ANTXRL: variants seen among roughly 807,000 people sequenced by gnomAD.
The protein encoded by ANTXRL is ANTXR like.
A neutral mutation model predicts 75.4 loss-of-function variants in ANTXRL; 63 were observed. The observed-to-expected ratio is 0.84, with a 90% CI of 0.68 to 1.03. ANTXRL has a LOEUF of 1.03. Among genes scored for constraint, ANTXRL ranks in the 50% least tolerant of loss-of-function variants. ANTXRL has a pLI of 0.00. For synonymous variants in ANTXRL, 335 were observed against 291.3 expected (o/e 1.15, Z -1.53); for missense variants, 797 against 789.4 (o/e 1.01, Z -0.12).
intron 1 of ANTXRL, among the ~76,000 whole-genome samples, chr10:46,289,038 C>A (rs1836875855): frequency 6.6e-6 from 1 of 152,160 alleles, no homozygotes; most frequent in East Asian, 1.9e-4. Flanking sequence ...TTTTGTGACT[C>A]CAAAGCCCAT....
intron 12 of ANTXRL, 133 bp from the exon 13 acceptor site, chr10:46,308,980 C>T (rs1470310147): frequency 1.0e-5 from 13 of 1,258,458 alleles, no homozygotes; most frequent in Non-Finnish European, 1.4e-5. Flanking sequence ...CCAGCCCTGG[C>T]CGCTGGCCCC....
chr10:46,313,362 CT>C, intron 16 of ANTXRL, 46 bp downstream of exon 16: 1 of 1,508,258 alleles, frequency 6.6e-7, no homozygotes, highest in Non-Finnish European at 8.9e-7. Flanking sequence ...AAGGCCACTG[CT>C]TTTCCCCTGA....
intron 10 of ANTXRL, among the ~76,000 whole-genome samples, chr10:46,305,659 G>GA (rs1405906815): frequency 1.3e-5 from 2 of 152,120 alleles, no homozygotes; most frequent in Non-Finnish European, 2.9e-5. Context: ...CGCACTTCAG[G>GA]AGGTGTGAAA....
In ANTXRL at chr10:46,297,411, A is replaced by G. The variant is rs1554959113; in HGVS notation, c.591A>G (p.Gln197=). 1.3e-6 allele frequency: 2 copies of G among 1,535,946 alleles called. No homozygotes were observed. Among genetic ancestry groups the G allele is most frequent in the African/African-American group, 2.7e-5 (2 of 73,118 alleles). Residue 197 remains glutamine (Q), a synonymous_variant, in exon 7 of 17, where the codon CAA becomes CAG. Transcript: ENST00000620264. ...CAATGCCTTCTTTCCCTTAGGCTCAAAAGGCTCGGAAACTGGGGGCCAACG... is the reference window on the plus strand; with the variant it reads ...CAATGCCTTCTTTCCCTTAGGCTCAGAAGGCTCGGAAACTGGGGGCCAACG... The part of the protein sequence containing the change: ...HAFQDTLREA[Q]KARKLGANVY...
Position 46,300,219 on chromosome 10 carries a change from T to C in ANTXRL, c.796+2157T>C, listed in dbSNP as rs80161580. Reference sequence around the variant, plus strand: ...CCTGATCTGTCAGCTGTCGGCTGAGTTGTGCAAAGCTGCCCCACATGGAGG... The same window carrying C: ...CCTGATCTGTCAGCTGTCGGCTGAGCTGTGCAAAGCTGCCCCACATGGAGG... On this transcript the variant is annotated intron_variant, in intron 9 of 16. Transcript: ENST00000620264. Among the ~76,000 whole-genome samples, 458 of 152,142 alleles carry C rather than the reference T, an allele frequency of 3.0e-3. 28 individuals carry two copies. In the East Asian group the frequency reaches 0.068, roughly 23 times the overall value.
At chr10:46,291,964 G>C in intron 1 of ANTXRL, 94 bp from the exon 2 acceptor site, 1 of 1,209,626 alleles carries the variant, frequency 8.3e-7, no homozygotes, top group Non-Finnish European at 1.2e-6. Context: ...AGGAGAGCTT[G>C]TTAAGAGCCT....
At chr10:46,301,610 A>G (rs1370331509) in intron 9 of ANTXRL, among the ~76,000 whole-genome samples, 1 of 152,178 alleles carries the variant, frequency 6.6e-6, no homozygotes, top group East Asian at 1.9e-4. Flanking sequence ...ATGGAGAAAC[A>G]CAAACCCACT....
At chr10:46,297,975 T>C (rs1554959465) in intron 8 of ANTXRL, 27 bp from the exon 9 acceptor site, 2 of 1,535,778 alleles carry the variant, frequency 1.3e-6, no homozygotes, top group Middle Eastern at 1.7e-4. Flanking sequence ...ACTCTCCCTG[T>C]CCCGCCCCAC....
In ANTXRL at chr10:46,293,847, CT is replaced by C; in HGVS notation, c.341del (p.Phe114SerfsTer21). 2 of 1,535,690 alleles carry C rather than the reference CT, an allele frequency of 1.3e-6. No homozygotes were observed. The highest frequency in any genetic ancestry group is 1.7e-6 in the Non-Finnish European group (2 of 1,146,630). Reference protein sequence around the residue: ...RFQSPNIRMCFITYSTDGQTV... With the variant: ...RFQSPNIRMCXITYSTDGQTV... The stretch of plus-strand genomic sequence containing the variant: ...TTCACAGCCCAAATATTCGGATGTG[CT>C]TCATCACCTACTCCACAGACGGCCA... On this transcript the variant is annotated frameshift_variant, in exon 3 of 17. Coordinates refer to ENST00000620264, the MANE Select transcript of ANTXRL (RefSeq NM_001278688.3). LOFTEE classifies it high-confidence loss of function.
chr10:46,326,154 T>C (rs1305159895), intron 16 of ANTXRL, among the ~76,000 whole-genome samples: 1 of 151,628 alleles, frequency 6.6e-6, no homozygotes, highest in Non-Finnish European at 1.5e-5. Context: ...AGTGGACTCA[T>C]AGTATGTGAG....
intron 16 of ANTXRL, among the ~76,000 whole-genome samples, chr10:46,326,711 C>T (rs1317708929): frequency 6.6e-6 from 1 of 152,138 alleles, no homozygotes; most frequent in Non-Finnish European, 1.5e-5. Flanking sequence ...CCAGCACATC[C>T]TGATGGAGTG....
At chr10:46,314,404 A>G (rs1394358695) in intron 16 of ANTXRL, among the ~76,000 whole-genome samples, 3 of 152,068 alleles carry the variant, frequency 2.0e-5, no homozygotes, top group African/African-American at 7.2e-5. Flanking sequence ...TTCCGGTCAC[A>G]TGGCACTAGT....
chr10:46,303,768 G>A (rs1554961145), intron 10 of ANTXRL, among the ~76,000 whole-genome samples: 1 of 152,092 alleles, frequency 6.6e-6, no homozygotes, highest in Non-Finnish European at 1.5e-5. Flanking sequence ...GCCTGAGGAA[G>A]CGCATAGTCC....
intron 16 of ANTXRL, among the ~76,000 whole-genome samples, chr10:46,317,498 TCTC>T (rs1272908474): frequency 1.3e-5 from 2 of 152,264 alleles, no homozygotes; most frequent in African/African-American, 2.4e-5. Flanking sequence ...GCTCCTGAGT[TCTC>T]CTCCTGGCCA....
At chr10:46,291,537 T>G (rs373335357) in intron 1 of ANTXRL, among the ~76,000 whole-genome samples, 5 of 152,308 alleles carry the variant, frequency 3.3e-5, no homozygotes, top group South Asian at 4.1e-4. Flanking sequence ...TGCCTTCTGA[T>G]TCATAAGCAT....
At chr10:46,307,224 C>T (rs1554962133) in intron 11 of ANTXRL, among the ~76,000 whole-genome samples, 178 bp from the exon 12 acceptor site, 1 of 152,122 alleles carries the variant, frequency 6.6e-6, no homozygotes, top group African/African-American at 2.4e-5. Flanking sequence ...GACGCGGTCA[C>T]AATGGCATGA....
chr10:46,305,493 C>T (rs1554961654), intron 10 of ANTXRL, among the ~76,000 whole-genome samples: 1 of 152,148 alleles, frequency 6.6e-6, no homozygotes, highest in Non-Finnish European at 1.5e-5. Context: ...TTGAAATCAT[C>T]CTTGGCAAAA....
chr10:46,309,225 G>T (rs1554962788), intron 13 of ANTXRL, 23 bp downstream of exon 13: 3 of 1,535,520 alleles, frequency 2.0e-6, no homozygotes, highest in South Asian at 1.2e-5. Context: ...TGCCCGCCCA[G>T]CTCTGGGGCC....
Position 46,309,522 on chromosome 10 carries a change from C to T in ANTXRL, c.1134+320C>T, listed in dbSNP as rs1838296730. On this transcript the variant is annotated intron_variant, in intron 13 of 16. Transcript: ENST00000620264. ...TGAAACCAGGGCTGCCTCAACAATCCAGACTTCTGGAAGCCTCAGATGGAC... is the reference window on the plus strand; with the variant it reads ...TGAAACCAGGGCTGCCTCAACAATCTAGACTTCTGGAAGCCTCAGATGGAC... 4.6e-5 allele frequency among the ~76,000 whole-genome samples: 7 copies of T among 152,324 alleles called. 1 individual carries two copies. In the South Asian group the frequency reaches 1.4e-3, roughly 32 times the overall value.
Sources: gnomAD v4.1 joint callset for allele counts (sites outside exome capture counted in the v4.1 genomes callset) on GRCh38, gnomAD v4.1.1 for gene constraint, MANE v1.5 for transcripts, NCBI Gene and HGNC (gene_info 2026-07-23, HGNC 2026-07-21) for gene names.